Variants in PAK5 observed in about 807,000 individuals in gnomAD.
PAK5 encodes the protein p21 (RAC1) activated kinase 5.
PAK5 carries 16 observed loss-of-function variants against 65.9 expected under a neutral mutation model. The ratio of observed to expected loss-of-function variants is 0.24; its 90% CI spans 0.16 to 0.37. PAK5 has a LOEUF of 0.37. Among genes scored for constraint, PAK5 ranks in the 10% least tolerant of loss-of-function variants. PAK5 has a pLI of 1.00. For synonymous variants in PAK5, 371 were observed against 354.9 expected (o/e 1.05, Z -0.51); for missense variants, 785 against 903.9 (o/e 0.87, Z 1.69).
At chr20:9,694,319 TTTG>T (rs2047839245) in intron 2 of PAK5, among the ~76,000 whole-genome samples, 2 of 25,974 alleles carry the variant, frequency 7.7e-5, no homozygotes, top group East Asian at 1.2e-3. Flanking sequence ...TGTGTGTGTG[TTTG>T]TGTGTGTGTG....
Position 9,640,788 on chromosome 20 carries a change from G to A in PAK5, c.204+3337C>T, listed in dbSNP as rs192530215. On this transcript the variant is annotated intron_variant, in intron 3 of 9. Transcript: ENST00000353224. The stretch of plus-strand genomic sequence containing the variant: ...AGTGTTACAGCTCTTAAGACAGCGC[G>A]TCTGGAGTTGTTCGTTCCTCCTGGT... Among the ~76,000 whole-genome samples, 377 of 151,190 alleles carry A rather than the reference G, an allele frequency of 2.5e-3. 2 individuals carry two copies. The highest frequency in any genetic ancestry group is 8.3e-3 in the African/African-American group (342 of 41,150).
In PAK5 at chr20:9,566,335, G is replaced by A. The variant is rs2123001980; in HGVS notation, c.1040C>T (p.Ser347Phe). Residue 347 changes from serine to phenylalanine, a missense_variant, in exon 5 of 10, where the codon TCT becomes TTT. By Grantham distance (155) the Ser-to-Phe change is radical. This residue lies in a region of PAK5 where 422 missense variants were observed against 413.3 expected (regional missense o/e 1.02). Coordinates refer to ENST00000353224, the MANE Select transcript of PAK5 (RefSeq NM_177990.4). ...QMVLSPPLSG[S>F]DTYPRGPAKL... ...GGCAGGGCCCCTGGGGTAGGTGTCA[G>A]ACCCTGACAGTGGAGGGCTGAGGAC... 6.2e-7 allele frequency: 1 copy of A among 1,613,616 alleles called. No individual in the cohort carries two copies. Among genetic ancestry groups the A allele is most frequent in the Non-Finnish European group, 8.5e-7 (1 of 1,179,802 alleles).
At chr20:9,571,602 T>TAATG (rs2045782882) in intron 4 of PAK5, among the ~76,000 whole-genome samples, 1 of 152,226 alleles carries the variant, frequency 6.6e-6, no homozygotes, top group Admixed American at 6.5e-5. Context: ...TTTATAAGAA[T>TAATG]AATGATGTTT....
intron 2 of PAK5, 148 bp from the exon 3 acceptor site, chr20:9,644,487 G>A (rs2047107873): frequency 3.3e-6 from 2 of 610,112 alleles, no homozygotes; most frequent in Admixed American, 3.3e-5. Context: ...AGTTTTCAGG[G>A]TGTGTAAATT....
intron 3 of PAK5, among the ~76,000 whole-genome samples, chr20:9,612,868 C>T (rs1046258885): frequency 5.3e-5 from 8 of 152,054 alleles, no homozygotes; most frequent in African/African-American, 1.2e-4. Flanking sequence ...TTTATCACCA[C>T]GTGATGTTTA....
chr20:9,752,642 T>A (rs1600327990), intron 1 of PAK5, among the ~76,000 whole-genome samples: 1 of 152,278 alleles, frequency 6.6e-6, no homozygotes, highest in African/African-American at 2.4e-5. Context: ...CTTATCAATT[T>A]AAAAAATTTA....
chr20:9,646,245 A>G (rs2047133324), intron 2 of PAK5, among the ~76,000 whole-genome samples: 1 of 152,142 alleles, frequency 6.6e-6, no homozygotes, highest in South Asian at 2.1e-4. Context: ...CATGCCTTCC[A>G]GTTTTCTCAA....
In PAK5 at chr20:9,551,358, C is replaced by T. The variant is rs117272664; in HGVS notation, c.1743+6250G>A. On this transcript the variant is annotated intron_variant, in intron 7 of 9. Transcript: ENST00000353224. ...AGAGAACTACCACTAGTATGTTGTC[C>T]GCCCCCTAAAAGGAGAAAATGTAGC... Among the ~76,000 whole-genome samples the T allele has an allele frequency of 2.4e-3, 359 of 152,166 alleles. 11 individuals carry two copies. The East Asian group carries it at 0.058, about 25-fold the overall frequency.
intron 1 of PAK5, among the ~76,000 whole-genome samples, chr20:9,737,029 T>A (rs2048397360): frequency 6.6e-6 from 1 of 151,758 alleles, no homozygotes; most frequent in Non-Finnish European, 1.5e-5. Context: ...AACCCATCAA[T>A]CTAGAGTTCT....
At chr20:9,679,329 A>C (rs557558419) in intron 2 of PAK5, among the ~76,000 whole-genome samples, 1 of 152,246 alleles carries the variant, frequency 6.6e-6, no homozygotes, top group South Asian at 2.1e-4. Context: ...GGGGAGTCAA[A>C]AGTTATGCAT....
chr20:9,580,243 G>A lies in PAK5; in HGVS notation c.892C>T (p.Pro298Ser). The A allele has an allele frequency of 1.2e-6, 2 of 1,614,058 alleles. No homozygotes were observed. Among genetic ancestry groups the A allele is most frequent in the Middle Eastern group, 1.6e-4 (1 of 6,062 alleles). ...GTTTTAAATGCACTTGCTCCAAATG[G>A]CATCATCGGTTCCTGGAGTCCCGAG... ...SGSGLQEPMM[P>S]FGASAFKTHP... Residue 298 changes from proline to serine, a missense_variant, in exon 4 of 10, where the codon CCA (proline) becomes TCA (serine). By Grantham distance (74) the Pro-to-Ser change is moderately conservative. Coordinates refer to ENST00000353224, the MANE Select transcript of PAK5 (RefSeq NM_177990.4).
chr20:9,640,264 A>G (rs1162953540), intron 3 of PAK5, among the ~76,000 whole-genome samples: 2 of 121,566 alleles, frequency 1.6e-5, no homozygotes, highest in Non-Finnish European at 3.2e-5. Context: ...TCCTGTGTCC[A>G]TGTGTTCTTA....
At position 9,569,375 on chromosome 20, in the gene PAK5, C is replaced by T. The variant is rs564143519; in HGVS notation, c.991-2991G>A. On this transcript the variant is annotated intron_variant, in intron 4 of 9. Transcript: ENST00000353224. The stretch of plus-strand genomic sequence containing the variant: ...CTAAAGACATGAATCTGAGAGTCAT[C>T]GGTGCTTAGTTCATATTAAAAGCCA... Among the ~76,000 whole-genome samples, 13 of 152,100 alleles carry T rather than the reference C, an allele frequency of 8.5e-5. No homozygotes were observed. In the East Asian group the frequency reaches 1.2e-3, roughly 14 times the overall value.
At chr20:9,604,009 C>A (rs1222946666) in intron 3 of PAK5, among the ~76,000 whole-genome samples, 1 of 152,168 alleles carries the variant, frequency 6.6e-6, no homozygotes, top group Non-Finnish European at 1.5e-5. Flanking sequence ...ATAAGATTGG[C>A]AGAATTATGA....
At chr20:9,575,444 G>A (rs2045870026) in intron 4 of PAK5, among the ~76,000 whole-genome samples, 1 of 152,144 alleles carries the variant, frequency 6.6e-6, no homozygotes, top group African/African-American at 2.4e-5. Flanking sequence ...CAGGGAATCT[G>A]ATTATAGAAC....
intron 6 of PAK5, 95 bp from the exon 7 acceptor site, chr20:9,557,829 T>A: frequency 1.1e-6 from 1 of 901,486 alleles, no homozygotes; most frequent in East Asian, 2.6e-5. Flanking sequence ...AGTGAAACAG[T>A]CCACGTGCTC....
intron 2 of PAK5, among the ~76,000 whole-genome samples, chr20:9,671,368 A>G (rs570020729): frequency 6.6e-6 from 1 of 152,236 alleles, no homozygotes; most frequent in Non-Finnish European, 1.5e-5. Context: ...CTTGGGCAGT[A>G]TGGCCATTTT....
intron 1 of PAK5, among the ~76,000 whole-genome samples, chr20:9,742,848 C>T (rs538891313): frequency 1.8e-4 from 28 of 152,214 alleles, no homozygotes; most frequent in Non-Finnish European, 3.5e-4. Context: ...TTCTTTCCCT[C>T]CTTGGGATGT....
chr20:9,544,382 G>C lies in PAK5; in HGVS notation c.1856C>G (p.Pro619Arg). ...WMAPEVISRL[P>R]YGTEVDIWSL... is the part of the protein sequence containing the mutation. ...TGACCCCCTTACCTCTGTCCCATAA[G>C]GTAGCCTAGAAATCACCTCAGGGGC... is the stretch of plus-strand genomic sequence containing the variant. Residue 619 changes from proline (P) to arginine (R), a missense_variant, in exon 8 of 10, where the codon CCT (proline) becomes CGT (arginine). Physicochemically the swap from Pro to Arg is moderately radical, Grantham distance 103 (BLOSUM62 -2). This residue lies in a region of PAK5 where 182 missense variants were observed against 273.0 expected (regional missense o/e 0.67). Transcript: ENST00000353224. The C allele has an allele frequency of 6.2e-7, 1 of 1,613,918 alleles. No homozygotes were observed. The highest frequency in any genetic ancestry group is 8.5e-7 in the Non-Finnish European group (1 of 1,179,928).
Sources: gnomAD v4.1 joint callset for allele counts (sites outside exome capture counted in the v4.1 genomes callset) on GRCh38, gnomAD v4.1.1 for gene constraint, gnomAD v4.1.1 regional missense constraint, MANE v1.5 for transcripts, NCBI Gene and HGNC (gene_info 2026-07-23, HGNC 2026-07-21) for gene names.